NT5C3B: variants seen among roughly 807,000 people sequenced by gnomAD.
The protein encoded by NT5C3B is 5'-nucleotidase, cytosolic IIIB.
Under a neutral mutation model 32.5 loss-of-function variants are expected in NT5C3B, and 28 were observed. The observed-to-expected ratio is 0.86, with a 90% CI of 0.64 to 1.18. NT5C3B has a LOEUF of 1.18. Ranked by LOEUF, NT5C3B falls within the 50% of genes most tolerant of loss-of-function variation. The pLI is 0.00. For missense variants in NT5C3B, 317 were observed against 322.0 expected, an observed-to-expected ratio of 0.98 and a Z score of 0.12; for synonymous variants, 138 against 118.0, an observed-to-expected ratio of 1.17 and a Z score of -1.10.
chr17:41,830,665 A>C, intron 6 of NT5C3B, 136 bp downstream of exon 6: 1 of 667,464 alleles, frequency 1.5e-6, no homozygotes, highest in Non-Finnish European at 2.7e-6. Flanking sequence ...GCTGTATCAC[A>C]TCAGTTGTTC....
intron 6 of NT5C3B, 90 bp downstream of exon 6, chr17:41,830,711 A>G (rs1555618890): frequency 2.0e-5 from 18 of 905,730 alleles, no homozygotes; most frequent in Non-Finnish European, 3.3e-5. Context: ...TTAAGCAACT[A>G]ACTGCTCTCT....
Position 41,825,427 on chromosome 17 carries a change from G to A in NT5C3B, c.*96C>T. ...GCGCGGAAGGACCCAGCCACTGCTG[G>A]CCACCCTGGCCTCTGCTCTGTGTTC... On this transcript the variant is annotated 3_prime_UTR_variant, in exon 9 of 9. Coordinates refer to ENST00000435506, the MANE Select transcript of NT5C3B (RefSeq NM_052935.5). The A allele has an allele frequency of 2.7e-6, 2 of 732,728 alleles. No individual in the cohort carries two copies. The highest frequency in any genetic ancestry group is 4.6e-6 in the Non-Finnish European group (2 of 433,268). The allele number at this position is 732,728 out of a possible 1,614,324, so 45.4% of individuals were successfully genotyped here. A position where few individuals can be genotyped will look rare whatever the true frequency, so the allele number is the denominator to read the frequency against.
chr17:41,829,006 G>C, intron 6 of NT5C3B, 54 bp from the exon 7 acceptor site: 1 of 1,530,792 alleles, frequency 6.5e-7, no homozygotes, highest in South Asian at 1.2e-5. Context: ...GCTGTTCTTT[G>C]TTTCCTATTT....
intron 7 of NT5C3B, among the ~76,000 whole-genome samples, chr17:41,828,077 C>T (rs2047995186): frequency 6.6e-6 from 1 of 152,162 alleles, no homozygotes; most frequent in Admixed American, 6.6e-5. Flanking sequence ...AGCTGCGGGC[C>T]ACATCCTCAC....
At chr17:41,826,703 T>G (rs556102897) in intron 8 of NT5C3B, among the ~76,000 whole-genome samples, 68 of 151,692 alleles carry the variant, frequency 4.5e-4, no homozygotes, top group African/African-American at 1.6e-3. Flanking sequence ...AAAATAAATT[T>G]TATTTATTTT....
intron 4 of NT5C3B, among the ~76,000 whole-genome samples, chr17:41,834,811 T>A (rs2048116878): frequency 6.6e-6 from 1 of 152,150 alleles, no homozygotes; most frequent in Non-Finnish European, 1.5e-5. Context: ...TTGCTGAACC[T>A]CCAGAATGTT....
chr17:41,831,131 C>T (rs1555618987), intron 5 of NT5C3B, among the ~76,000 whole-genome samples: 1 of 152,066 alleles, frequency 6.6e-6, no homozygotes, highest in East Asian at 1.9e-4. Context: ...CCAGCCTGGC[C>T]AGCATGGTGA....
chr17:41,835,279 G>A lies in NT5C3B; in HGVS notation c.112-7C>T, dbSNP rs2048128118. ...TGTCAAAATCAGAAATCACCTATAA[G>A]GCAAAAGAGAGATGATGCCTAAATA... On this transcript the variant is annotated splice_polypyrimidine_tract_variant and splice_region_variant and intron_variant, in intron 2 of 8. Transcript: ENST00000435506. 1.2e-6 allele frequency: 2 copies of A among 1,613,372 alleles called. No individual in the cohort carries two copies. Among genetic ancestry groups the A allele is most frequent in the Non-Finnish European group, 1.7e-6 (2 of 1,179,368 alleles).
At chr17:41,832,356 A>T (rs1555619154) in intron 5 of NT5C3B, 36 bp downstream of exon 5, 3 of 1,582,616 alleles carry the variant, frequency 1.9e-6, no homozygotes, top group Non-Finnish European at 2.6e-6. Context: ...CTCCATCTCA[A>T]GGGCCCAGAA....
chr17:41,834,393 T>TACACACAC (rs56965181), intron 4 of NT5C3B, among the ~76,000 whole-genome samples: 6,983 of 139,658 alleles, frequency 0.05, 251 homozygotes, highest in East Asian at 0.11. Context: ...AAAAAAAAAA[T>TACACACAC]ACACACACAC....
In NT5C3B at chr17:41,825,180, CTTTT is replaced by C. The variant is rs782063810; in HGVS notation, c.*339_*342del. The C allele has an allele frequency of 4.3e-5, 8 of 186,356 alleles. No individual in the cohort carries two copies. The highest frequency in any genetic ancestry group is 6.7e-5 in the Non-Finnish European group (6 of 90,212). The allele number at this position is 186,356 out of a possible 1,614,324, so 11.5% of individuals were successfully genotyped here. On this transcript the variant is annotated 3_prime_UTR_variant, in exon 9 of 9. Transcript: ENST00000435506. ...ACCCACATCCCCTGAATCAGAGCAGCTTTTTTTTCATTTTAAAAATTTTGATCTG... is the reference window on the plus strand; with the variant it reads ...ACCCACATCCCCTGAATCAGAGCAGCTTTTCATTTTAAAAATTTTGATCTG...
Position 41,827,588 on chromosome 17 carries a change from T to C in NT5C3B, c.606A>G (p.Thr202=). ...CACACGCAGAGCTGTTCTTGTTGTA[T>C]GTGTGTATGAGCTGGCCCTTAAATC... ...LQGFKGQLIH[T]YNKNSSACEN... Residue 202 remains threonine, a synonymous_variant, in exon 8 of 9, where the codon ACA becomes ACG. Transcript: ENST00000435506. 1 of 867,150 alleles carries C rather than the reference T, an allele frequency of 1.2e-6. No individual in the cohort carries two copies. The highest frequency in any genetic ancestry group is 2.0e-6 in the Non-Finnish European group (1 of 496,364). 53.7% of individuals were successfully genotyped at this position (867,150 alleles called of 1,614,324 possible). A position where few individuals can be genotyped will look rare whatever the true frequency, so the allele number is the denominator to read the frequency against.
intron 5 of NT5C3B, among the ~76,000 whole-genome samples, chr17:41,831,214 G>A (rs782498525): frequency 6.6e-6 from 1 of 151,946 alleles, no homozygotes; most frequent in African/African-American, 2.4e-5. Flanking sequence ...AGCTACTTGG[G>A]AGGCTGAGGC....
intron 6 of NT5C3B, among the ~76,000 whole-genome samples, 154 bp from the exon 7 acceptor site, chr17:41,829,106 C>T (rs368527276): frequency 1.3e-5 from 2 of 152,100 alleles, no homozygotes; most frequent in African/African-American, 4.8e-5. Context: ...ACTGCGACCT[C>T]GACCTCCCGA....
intron 6 of NT5C3B, among the ~76,000 whole-genome samples, chr17:41,830,318 G>T (rs2048029836): frequency 6.6e-6 from 1 of 152,222 alleles, no homozygotes; most frequent in Non-Finnish European, 1.5e-5. Flanking sequence ...AGACCATCTG[G>T]CCAACATGGT....
intron 8 of NT5C3B, among the ~76,000 whole-genome samples, chr17:41,826,431 C>G (rs532668398): frequency 4.1e-4 from 63 of 152,218 alleles, no homozygotes; most frequent in African/African-American, 1.5e-3. Context: ...CTATGTTGCC[C>G]AGGCTGGTCT....
Position 41,825,628 on chromosome 17 carries a change from G to A in NT5C3B, c.798C>T (p.Asp266=), listed in dbSNP as rs1555618036. 1.1e-6 allele frequency: 1 copy of A among 872,774 alleles called. No individual in the cohort carries two copies. Among genetic ancestry groups the A allele is most frequent in the East Asian group, 2.4e-5 (1 of 41,702 alleles). 54.1% of individuals were successfully genotyped at this position (872,774 alleles called of 1,614,324 possible). Residue 266 remains aspartate, a synonymous_variant, in exon 9 of 9, where the codon GAC becomes GAT. Transcript: ENST00000435506. ...CCTTCTCCAGCACGATGTCATAGGA[G>A]TCCATGTAGCGCTCCCGCCGCTCCT... The part of the protein sequence containing the change: ...KVEERRERYM[D]SYDIVLEKDE...
chr17:41,829,339 A>G (rs781979101), intron 6 of NT5C3B, among the ~76,000 whole-genome samples: 12 of 152,190 alleles, frequency 7.9e-5, no homozygotes, highest in Non-Finnish European at 1.2e-4. Context: ...CAGCCCGGGC[A>G]AGAGAACAAG....
chr17:41,826,587 A>G (rs1300267042), intron 8 of NT5C3B, among the ~76,000 whole-genome samples: 2 of 151,892 alleles, frequency 1.3e-5, no homozygotes, highest in African/African-American at 2.4e-5. Flanking sequence ...GCAGTGGCGC[A>G]ATCTCAGCTC....
Sources: gnomAD v4.1 joint callset for allele counts (sites outside exome capture counted in the v4.1 genomes callset) on GRCh38, gnomAD v4.1.1 for gene constraint, MANE v1.5 for transcripts, NCBI Gene and HGNC (gene_info 2026-07-23, HGNC 2026-07-21) for gene names.